SKOR2: variants seen among roughly 807,000 people sequenced by gnomAD.
SKOR2 encodes the protein SKI family transcriptional corepressor 2.
Under a neutral mutation model 69.1 loss-of-function variants are expected in SKOR2, and 47 were observed. The observed-to-expected ratio is 0.68, with a 90% CI of 0.54 to 0.87. SKOR2 has a LOEUF of 0.87. SKOR2 is among the 40% of genes least tolerant of loss of function. The pLI is 0.00. For synonymous variants in SKOR2, 717 were observed against 672.6 expected (o/e 1.07, Z -1.02); for missense variants, 1,404 against 1,472.2 (o/e 0.95, Z 0.76).
At chr18:47,245,809 A>T (rs2064270518) in intron 2 of SKOR2, among the ~76,000 whole-genome samples, 1 of 152,152 alleles carries the variant, frequency 6.6e-6, no homozygotes, top group Non-Finnish European at 1.5e-5. Flanking sequence ...TTACAGAAGC[A>T]TAGGCATATG....
rs78176085 is a variant in SKOR2 at position 47,250,794 on chromosome 18, G to A, written c.-48+580C>T. 7.3e-3 allele frequency among the ~76,000 whole-genome samples: 1,105 copies of A among 152,268 alleles called. 10 individuals are homozygous for A. The highest frequency in any genetic ancestry group is 0.026 in the African/African-American group (1,060 of 41,556). On this transcript the variant is annotated intron_variant, in intron 1 of 8. Transcript: ENST00000425639. ...GGGTGGATCAGAGACAATATTTCCA[G>A]GGGACAGGGCGTTACATGGCAGTTC...
chr18:47,229,157 C>T (rs1316867409), intron 6 of SKOR2, among the ~76,000 whole-genome samples: 1 of 152,070 alleles, frequency 6.6e-6, no homozygotes, highest in African/African-American at 2.4e-5. Context: ...ATTTAGGAAG[C>T]CCTAATGAAT....
chr18:47,248,362 C>T lies in SKOR2; in HGVS notation c.822G>A (p.Gly274=). 3.1e-6 allele frequency: 4 copies of T among 1,280,570 alleles called. No homozygotes were observed. The highest frequency in any genetic ancestry group is 3.4e-5 in the East Asian group (1 of 29,456). The allele number at this position is 1,280,570 out of a possible 1,614,324, so 79.3% of individuals were successfully genotyped here. A position where few individuals can be genotyped will look rare whatever the true frequency, so the allele number is the denominator to read the frequency against. Residue 274 remains glycine (G), a synonymous_variant, in exon 2 of 9, where the codon GGG becomes GGA. Coordinates refer to ENST00000425639, the MANE Select transcript of SKOR2 (RefSeq NM_001278063.4). This position sits in a 1 kb window ranked among gnomAD's most constrained non-coding sequence, Gnocchi z 6.4. ...VAAAAAVAGG[G]GLLGPHLLGA... ...CCAGCAGGTGGGGGCCCAGCAGACC[C>T]CCGCCTCCGGCCACCGCGGCCGCGG...
At position 47,248,968 on chromosome 18, in the gene SKOR2, G is replaced by A; in HGVS notation, c.216C>T (p.Leu72=). The change falls in exon 2 of 9, where the codon CTC becomes CTT. Residue 72 remains leucine (L), a synonymous_variant. Transcript: ENST00000425639. This position sits in a 1 kb window ranked among gnomAD's most constrained non-coding sequence, Gnocchi z 6.4. ...LCLAQISNTL[L]KNFSYNEIHN... ...GGATCTCGTTGTAGCTGAAGTTCTT[G>A]AGCAGAGTGTTGGAGATCTGCGCCA... 6.4e-7 allele frequency: 1 copy of A among 1,572,932 alleles called. No homozygotes were observed. Among genetic ancestry groups the A allele is most frequent in the Non-Finnish European group, 8.6e-7 (1 of 1,166,668 alleles).
At chr18:47,230,910 C>T in intron 5 of SKOR2, 25 bp downstream of exon 5, 1 of 1,401,442 alleles carries the variant, frequency 7.1e-7, no homozygotes, top group Non-Finnish European at 9.6e-7. Context: ...AAGAGAAGTT[C>T]TACAGAATTG....
intron 4 of SKOR2, among the ~76,000 whole-genome samples, chr18:47,242,918 G>A (rs2064255315): frequency 6.6e-6 from 1 of 152,146 alleles, no homozygotes; most frequent in Non-Finnish European, 1.5e-5. Flanking sequence ...TCCTGCCTCT[G>A]AATGGGTCAT....
rs1244411722 is a variant in SKOR2, at chr18:47,249,191, G to A, written c.-8C>T. On this transcript the variant is annotated 5_prime_UTR_variant, in exon 2 of 9. Transcript: ENST00000425639. ...CAGCGGACTGGAAGCCATCTCCGCC[G>A]CAGAACCCCGGGCCGAGCCCTACAG... 2.0e-6 allele frequency: 3 copies of A among 1,532,826 alleles called. No individual in the cohort carries two copies. Among genetic ancestry groups the A allele is most frequent in the East Asian group, 2.4e-5 (1 of 40,868 alleles). The allele number at this position is 1,532,826 out of a possible 1,614,324, so 95.0% of individuals were successfully genotyped here. A position where few individuals can be genotyped will look rare whatever the true frequency, so the allele number is the denominator to read the frequency against.
chr18:47,212,610 C>A (rs145772141), intron 7 of SKOR2, among the ~76,000 whole-genome samples: 6 of 152,156 alleles, frequency 3.9e-5, no homozygotes, highest in Non-Finnish European at 7.4e-5. Flanking sequence ...CATATGCTAT[C>A]CTTATAAATC....
intron 4 of SKOR2, among the ~76,000 whole-genome samples, chr18:47,232,622 A>G (rs2064203954): frequency 6.6e-6 from 1 of 151,308 alleles, no homozygotes; most frequent in South Asian, 2.1e-4. Context: ...CTGTTTCCTT[A>G]CTCCCCTTCC....
At chr18:47,229,857 A>G (rs1368819295) in intron 6 of SKOR2, among the ~76,000 whole-genome samples, 1 of 152,220 alleles carries the variant, frequency 6.6e-6, no homozygotes, top group Admixed American at 6.5e-5. Context: ...CTCTGGGAGT[A>G]GAACTAACAG....
chr18:47,242,072 A>G (rs1221776093), intron 4 of SKOR2, among the ~76,000 whole-genome samples: 1 of 152,180 alleles, frequency 6.6e-6, no homozygotes, highest in Non-Finnish European at 1.5e-5. Context: ...CCATCTTAAT[A>G]TCAAACAACA....
intron 6 of SKOR2, among the ~76,000 whole-genome samples, chr18:47,224,526 A>C (rs532333794): frequency 6.6e-6 from 1 of 152,328 alleles, no homozygotes; most frequent in African/African-American, 2.4e-5. Context: ...CATCTGGTTC[A>C]CCTGGAATGT....
At chr18:47,208,717 TG>T (rs1489947003) in intron 8 of SKOR2, among the ~76,000 whole-genome samples, 2 of 152,190 alleles carry the variant, frequency 1.3e-5, no homozygotes, top group African/African-American at 4.8e-5. Context: ...GGAATAATTC[TG>T]GTGTTAAAAA....
chr18:47,212,834 G>A (rs1259964068), intron 7 of SKOR2, among the ~76,000 whole-genome samples: 1 of 152,000 alleles, frequency 6.6e-6, no homozygotes, highest in Non-Finnish European at 1.5e-5. Context: ...TTAGCCAAGT[G>A]TGGTGGCACA....
At chr18:47,216,417 A>G (rs1399355342) in intron 7 of SKOR2, among the ~76,000 whole-genome samples, 2 of 152,178 alleles carry the variant, frequency 1.3e-5, no homozygotes, top group Non-Finnish European at 2.9e-5. Context: ...AGCTTATACC[A>G]TGTATAAATG....
At chr18:47,221,433 T>G (rs2064160988) in intron 6 of SKOR2, among the ~76,000 whole-genome samples, 2 of 152,132 alleles carry the variant, frequency 1.3e-5, no homozygotes. Context: ...AGAGGGGAAC[T>G]GCATATGGCT....
chr18:47,212,600 C>T (rs2064131167), intron 7 of SKOR2, among the ~76,000 whole-genome samples: 2 of 152,288 alleles, frequency 1.3e-5, no homozygotes, highest in East Asian at 3.9e-4. Flanking sequence ...TTCTTTATAA[C>T]ATATGCTATC....
intron 7 of SKOR2, among the ~76,000 whole-genome samples, chr18:47,213,399 T>C (rs2064133928): frequency 6.8e-6 from 1 of 147,886 alleles, no homozygotes; most frequent in African/African-American, 2.5e-5. Flanking sequence ...ATATATATCA[T>C]ATAAATATTA....
intron 4 of SKOR2, among the ~76,000 whole-genome samples, chr18:47,243,360 GA>G (rs1251496965): frequency 6.6e-6 from 1 of 152,178 alleles, no homozygotes; most frequent in Non-Finnish European, 1.5e-5. Context: ...TGGGACTAAG[GA>G]ATGTTTCTAA....
Sources: allele counts gnomAD v4.1 joint callset (sites outside exome capture counted in the v4.1 genomes callset), GRCh38; gene constraint gnomAD v4.1.1; non-coding constraint Gnocchi (gnomAD v3.1); transcripts MANE v1.5; gene names NCBI Gene and HGNC (gene_info 2026-07-23, HGNC 2026-07-21).